The following CNTNAP2 variants were observed in gnomAD, a reference collection of about 807,000 sequenced individuals.
The protein encoded by CNTNAP2 is contactin-associated protein-like 2.
CNTNAP2 carries 98 observed loss-of-function variants against 155.2 expected under a neutral mutation model. The ratio of observed to expected loss-of-function variants is 0.63; its 90% CI spans 0.54 to 0.75. The LOEUF is 0.75. Ranked by LOEUF, CNTNAP2 falls within the 30% of genes least tolerant of loss-of-function variation. CNTNAP2 has a pLI of 0.00. For missense variants in CNTNAP2, 1,727 were observed against 1,688.1 expected (o/e 1.02, Z -0.40); for synonymous variants, 651 against 631.2 (o/e 1.03, Z -0.47).
chr7:147,608,715 G>T (rs899672014), intron 12 of CNTNAP2, among the ~76,000 whole-genome samples: 1 of 152,172 alleles, frequency 6.6e-6, no homozygotes, highest in Non-Finnish European at 1.5e-5. Context: ...GCACTGTCAC[G>T]CGTGTCTGTG....
chr7:146,929,877 G>A (rs1796707933), intron 3 of CNTNAP2, among the ~76,000 whole-genome samples: 1 of 152,040 alleles, frequency 6.6e-6, no homozygotes, highest in African/African-American at 2.4e-5. Context: ...AGCGAGAAGG[G>A]AAGTTTAGAG....
chr7:148,214,301 G>A (rs905764241), intron 18 of CNTNAP2, among the ~76,000 whole-genome samples: 1 of 152,184 alleles, frequency 6.6e-6, no homozygotes, highest in Non-Finnish European at 1.5e-5. Context: ...AGCTAACTCA[G>A]CACATTTAGG....
chr7:147,438,929 G>C (rs1165604285), intron 10 of CNTNAP2, among the ~76,000 whole-genome samples: 1 of 151,896 alleles, frequency 6.6e-6, no homozygotes, highest in Non-Finnish European at 1.5e-5. Flanking sequence ...TGTGGTATTA[G>C]TTATAATGTC....
chr7:147,884,460 C>T (rs1430378461), intron 13 of CNTNAP2, among the ~76,000 whole-genome samples: 1 of 149,568 alleles, frequency 6.7e-6, no homozygotes, highest in Non-Finnish European at 1.5e-5. Context: ...TTGTCACATT[C>T]ATTACAATCA....
chr7:148,415,158 T>G (rs1268999610), intron 23 of CNTNAP2, among the ~76,000 whole-genome samples: 2 of 152,270 alleles, frequency 1.3e-5, no homozygotes, highest in African/African-American at 4.8e-5. Context: ...TTTTCTAATG[T>G]CTGTAGACTG....
chr7:146,990,044 C>T (rs762514443), intron 3 of CNTNAP2, among the ~76,000 whole-genome samples: 50 of 151,656 alleles, frequency 3.3e-4, no homozygotes, highest in African/African-American at 1.2e-3. Context: ...TATTTACCTA[C>T]AATTTTACTT....
intron 8 of CNTNAP2, among the ~76,000 whole-genome samples, chr7:147,272,872 A>G (rs1334204693): frequency 4.6e-5 from 7 of 151,986 alleles, no homozygotes; most frequent in Non-Finnish European, 1.0e-4. Context: ...CATCTGGATG[A>G]TTTGTCTTTT....
intron 3 of CNTNAP2, among the ~76,000 whole-genome samples, chr7:146,914,256 A>T (rs1796348639): frequency 6.6e-6 from 1 of 152,038 alleles, no homozygotes; most frequent in African/African-American, 2.4e-5. Context: ...TGCTATAAAC[A>T]TATGTGCAAG....
At chr7:148,217,906 C>A (rs1388642015) in intron 19 of CNTNAP2, among the ~76,000 whole-genome samples, 1 of 152,240 alleles carries the variant, frequency 6.6e-6, no homozygotes, top group Non-Finnish European at 1.5e-5. Context: ...GGGCGGATCA[C>A]TTGAGCTCAA....
At chr7:147,719,756 C>T (rs1796536584) in intron 13 of CNTNAP2, among the ~76,000 whole-genome samples, 1 of 152,018 alleles carries the variant, frequency 6.6e-6, no homozygotes, top group African/African-American at 2.4e-5. Flanking sequence ...TCCCAGCATT[C>T]CTCTTGTAGC....
chr7:147,661,575 C>T (rs1490495996), intron 13 of CNTNAP2, among the ~76,000 whole-genome samples: 10 of 145,350 alleles, frequency 6.9e-5, no homozygotes, highest in African/African-American at 1.6e-4. Flanking sequence ...TTTTTTTAGA[C>T]GGAGTCTTGC....
At chr7:147,434,806 G>A (rs563536588) in intron 10 of CNTNAP2, among the ~76,000 whole-genome samples, 1 of 152,336 alleles carries the variant, frequency 6.6e-6, no homozygotes, top group South Asian at 2.1e-4. Flanking sequence ...GGTCTGCTAT[G>A]CTGCGCAGAC....
chr7:148,125,205 A>G lies in CNTNAP2; in HGVS notation c.2554+6917A>G, dbSNP rs531314755. Among the ~76,000 whole-genome samples, 17 of 152,108 alleles carry G rather than the reference A, an allele frequency of 1.1e-4. No homozygotes were observed. The East Asian group carries it at 3.1e-3, about 28-fold the overall frequency. The stretch of plus-strand genomic sequence containing the variant: ...AGGCACACACCATCTAGTGGGAAAG[A>G]CTAGTAATCTTAATCTCTCTCTGTC... On this transcript the variant is annotated intron_variant, in intron 16 of 23. Coordinates refer to ENST00000361727, the MANE Select transcript of CNTNAP2 (RefSeq NM_014141.6).
chr7:147,799,363 A>G (rs1450124942), intron 13 of CNTNAP2, among the ~76,000 whole-genome samples: 1 of 152,170 alleles, frequency 6.6e-6, no homozygotes, highest in Non-Finnish European at 1.5e-5. Flanking sequence ...TCATCCTGCA[A>G]TCATGTAGTA....
At chr7:147,147,236 A>C (rs1801724719) in intron 8 of CNTNAP2, among the ~76,000 whole-genome samples, 1 of 152,156 alleles carries the variant, frequency 6.6e-6, no homozygotes, top group South Asian at 2.1e-4. Context: ...GAACAGCATG[A>C]GGGAAACTGC....
At chr7:147,535,856 G>A (rs1479143845) in intron 11 of CNTNAP2, among the ~76,000 whole-genome samples, 2 of 152,162 alleles carry the variant, frequency 1.3e-5, no homozygotes. Flanking sequence ...GCAATGTACT[G>A]GAACAGACGT....
intron 12 of CNTNAP2, among the ~76,000 whole-genome samples, chr7:147,621,148 T>G (rs1413656762): frequency 6.6e-6 from 1 of 152,024 alleles, no homozygotes; most frequent in African/African-American, 2.4e-5. Context: ...ATCCTTCAAA[T>G]ATAAAGGAGA....
At chr7:148,328,746 G>A (rs1291914460) in intron 21 of CNTNAP2, among the ~76,000 whole-genome samples, 1 of 148,748 alleles carries the variant, frequency 6.7e-6, no homozygotes, top group Non-Finnish European at 1.5e-5. Flanking sequence ...GAGGCGGGTG[G>A]ATCACAAGTT....
intron 8 of CNTNAP2, among the ~76,000 whole-genome samples, chr7:147,207,133 A>G (rs1378997848): frequency 6.6e-6 from 1 of 152,192 alleles, no homozygotes; most frequent in Non-Finnish European, 1.5e-5. Flanking sequence ...ATTTAATGTG[A>G]AAAACTGTTG....
Sources: allele counts gnomAD v4.1 joint callset (sites outside exome capture counted in the v4.1 genomes callset), GRCh38; gene constraint gnomAD v4.1.1; transcripts MANE v1.5; gene names NCBI Gene and HGNC (gene_info 2026-07-23, HGNC 2026-07-21).